The following OCA2 variants were observed in gnomAD, a reference collection of about 807,000 sequenced individuals.
OCA2 encodes P protein.
In OCA2, 77 loss-of-function variants were observed where a neutral mutation model predicts 100.2. The observed-to-expected ratio is 0.77, with a 90% CI of 0.64 to 0.93. The LOEUF (loss-of-function observed/expected upper bound fraction) is 0.93, where lower values mean the gene tolerates loss of function less well. Among genes scored for constraint, OCA2 ranks in the 40% least tolerant of loss-of-function variants. The probability of loss-of-function intolerance (pLI) is 0.00; values close to 1 mark genes in which losing one functional copy is unlikely to be tolerated. For synonymous variants in OCA2, 432 were observed against 439.2 expected (o/e 0.98, Z 0.21); for missense variants, 1,062 against 1,089.1 (o/e 0.98, Z 0.35).
chr15:27,792,028 C>T (rs1053572839), intron 23 of OCA2, among the ~76,000 whole-genome samples: 1 of 152,174 alleles, frequency 6.6e-6, no homozygotes, highest in Non-Finnish European at 1.5e-5. Context: ...GTCTCCACTT[C>T]CCATTGCCTC....
At chr15:27,787,545 G>A (rs1191170027) in intron 23 of OCA2, among the ~76,000 whole-genome samples, 2 of 151,934 alleles carry the variant, frequency 1.3e-5, no homozygotes, top group Non-Finnish European at 2.9e-5. Context: ...ATTGTTCAGA[G>A]CGTTCTTTTA....
chr15:27,801,074 T>C (rs1486680034), intron 23 of OCA2, among the ~76,000 whole-genome samples: 2 of 152,140 alleles, frequency 1.3e-5, no homozygotes, highest in South Asian at 2.1e-4. Flanking sequence ...GTTGAAATTA[T>C]AGTAATTTTA....
intron 18 of OCA2, among the ~76,000 whole-genome samples, chr15:27,936,308 A>G (rs2039449925): frequency 1.3e-5 from 2 of 152,202 alleles, no homozygotes; most frequent in Non-Finnish European, 2.9e-5. Flanking sequence ...GAAAGTCAGA[A>G]GGAGCCGAGT....
intron 6 of OCA2, 67 bp from the exon 7 acceptor site, chr15:28,018,624 A>T: frequency 7.0e-7 from 1 of 1,437,578 alleles, no homozygotes; most frequent in Non-Finnish European, 9.6e-7. Flanking sequence ...CGCCCGCCAG[A>T]CGCACACCCT....
At chr15:27,895,122 T>C (rs1318738747) in intron 19 of OCA2, among the ~76,000 whole-genome samples, 2 of 152,166 alleles carry the variant, frequency 1.3e-5, no homozygotes, top group Non-Finnish European at 2.9e-5. Flanking sequence ...GTCCTGCCTA[T>C]AGGAAGCATA....
At position 27,867,539 on chromosome 15, in the gene OCA2, G is replaced by A. The variant is rs186250962; in HGVS notation, c.2244+3615C>T. 3.7e-4 allele frequency among the ~76,000 whole-genome samples: 56 copies of A among 152,320 alleles called. No homozygotes were observed. The East Asian group carries it at 0.011, about 29-fold the overall frequency. On this transcript the variant is annotated intron_variant, in intron 21 of 23. Coordinates refer to ENST00000354638, the MANE Select transcript of OCA2 (RefSeq NM_000275.3). The stretch of plus-strand genomic sequence containing the variant: ...AAGATAAACCTGGCAGAGGCTCAGA[G>A]CAGAGATGGAGACCTCACACAAGGT...
chr15:27,934,595 C>T (rs2039382984), intron 18 of OCA2, among the ~76,000 whole-genome samples: 1 of 152,192 alleles, frequency 6.6e-6, no homozygotes, highest in Admixed American at 6.5e-5. Flanking sequence ...ATAAGAAGCT[C>T]TCTCTAAAAG....
At position 27,891,815 on chromosome 15, in the gene OCA2, A is replaced by C. The variant is rs142372818; in HGVS notation, c.2080-19893T>G. 3.0e-3 allele frequency among the ~76,000 whole-genome samples: 453 copies of C among 152,338 alleles called. 3 individuals are homozygous for C. Among genetic ancestry groups the C allele is most frequent in the Non-Finnish European group, 3.9e-3 (264 of 68,016 alleles). On this transcript the variant is annotated intron_variant, in intron 19 of 23. Transcript: ENST00000354638. ...TACCTTAAATGTAAATTTTCTAAACATATCAACCAAAACACAGAGACCGGA... is the reference window on the plus strand; with the variant it reads ...TACCTTAAATGTAAATTTTCTAAACCTATCAACCAAAACACAGAGACCGGA...
At chr15:27,747,382 G>C in the OCA2 span, among the ~76,000 whole-genome samples, 1 of 152,238 alleles carries the variant, frequency 6.6e-6, no homozygotes, top group Non-Finnish European at 1.5e-5. Context: ...GAAAAAGTAA[G>C]AAGCCGCTGA....
the OCA2 span, among the ~76,000 whole-genome samples, chr15:27,733,007 A>G: frequency 6.6e-6 from 1 of 152,194 alleles, no homozygotes; most frequent in South Asian, 2.1e-4. Context: ...AAGCAAAAAC[A>G]AGAAAGAAAA....
chr15:27,995,424 G>C (rs1400724870), intron 9 of OCA2, among the ~76,000 whole-genome samples: 1 of 152,076 alleles, frequency 6.6e-6, no homozygotes, highest in Non-Finnish European at 1.5e-5. Context: ...ACAGAGTCTT[G>C]CTCTGTCACC....
chr15:27,732,944 A>G, the OCA2 span, among the ~76,000 whole-genome samples: 1 of 152,228 alleles, frequency 6.6e-6, no homozygotes, highest in Non-Finnish European at 1.5e-5. Flanking sequence ...ATCCTTCTTC[A>G]TCTGTCCATT....
At position 27,840,512 on chromosome 15, in the gene OCA2, T is replaced by G. The variant is rs533837277; in HGVS notation, c.2432+4447A>C. Reference sequence around the variant, plus strand: ...CTAATAAAAGTGTAATCCAGTATGTTGTCTCTCATAGCTCCAGTAATCAAG... The same window carrying G: ...CTAATAAAAGTGTAATCCAGTATGTGGTCTCTCATAGCTCCAGTAATCAAG... On this transcript the variant is annotated intron_variant, in intron 23 of 23. Transcript: ENST00000354638. Among the ~76,000 whole-genome samples the G allele has an allele frequency of 1.1e-3, 162 of 152,094 alleles. 1 individual carries two copies. Among genetic ancestry groups the G allele is most frequent in the Middle Eastern group, 0.01 (3 of 294 alleles).
At chr15:27,887,532 C>T (rs1277908883) in intron 19 of OCA2, among the ~76,000 whole-genome samples, 1 of 151,360 alleles carries the variant, frequency 6.6e-6, no homozygotes, top group Non-Finnish European at 1.5e-5. Flanking sequence ...ACACCTCACA[C>T]CTGGGATCTC....
intron 9 of OCA2, among the ~76,000 whole-genome samples, chr15:28,013,779 G>A (rs564141984): frequency 7.2e-5 from 11 of 152,204 alleles, no homozygotes; most frequent in Admixed American, 2.0e-4. Context: ...CTGAGCCTGC[G>A]AGTTCCTGTG....
intron 18 of OCA2, among the ~76,000 whole-genome samples, chr15:27,941,888 C>T (rs2140502167): frequency 6.6e-6 from 1 of 152,212 alleles, no homozygotes; most frequent in South Asian, 2.1e-4. Context: ...TCATAAATGG[C>T]CAATAAGCAC....
chr15:27,881,336 T>G (rs2037006151), intron 19 of OCA2, among the ~76,000 whole-genome samples: 1 of 152,176 alleles, frequency 6.6e-6, no homozygotes, highest in Admixed American at 6.5e-5. Context: ...TTTGTTGTTG[T>G]AACTCTGCCA....
At chr15:27,819,447 T>A (rs989693748) in intron 23 of OCA2, among the ~76,000 whole-genome samples, 1 of 152,204 alleles carries the variant, frequency 6.6e-6, no homozygotes, top group African/African-American at 2.4e-5. Context: ...GAGAAGTAAC[T>A]GTACAAGCTC....
At chr15:27,785,189 A>C (rs76163908) in intron 23 of OCA2, among the ~76,000 whole-genome samples, 1,772 of 152,300 alleles carry the variant, frequency 0.012, 44 homozygotes, top group African/African-American at 0.04. Flanking sequence ...TATTAGGAAA[A>C]AAATATGTCA....
Sources: allele counts gnomAD v4.1 joint callset (sites outside exome capture counted in the v4.1 genomes callset), GRCh38; gene constraint gnomAD v4.1.1; transcripts MANE v1.5; gene names NCBI Gene and HGNC (gene_info 2026-07-23, HGNC 2026-07-21).